VWC2L: variants seen among roughly 807,000 people sequenced by gnomAD.
The protein encoded by VWC2L is von Willebrand factor C domain-containing protein 2-like.
VWC2L carries 10 observed loss-of-function variants against 21.6 expected under a neutral mutation model. That is an observed-to-expected ratio of 0.46 (90% CI 0.29 to 0.78). VWC2L has a LOEUF of 0.78. Among genes scored for constraint, VWC2L ranks in the 30% least tolerant of loss-of-function variants. The pLI is 0.10. For missense variants in VWC2L, 209 were observed against 277.1 expected (o/e 0.75, Z 1.74); for synonymous variants, 96 against 94.3 (o/e 1.02, Z -0.10).
chr2:214,498,317 G>A lies in VWC2L; in HGVS notation c.520+61559G>A, dbSNP rs937122470. 2.6e-5 allele frequency among the ~76,000 whole-genome samples: 4 copies of A among 152,182 alleles called. No homozygotes were observed. The East Asian group carries it at 5.8e-4, about 22-fold the overall frequency. On this transcript the variant is annotated intron_variant, in intron 3 of 3. Coordinates refer to ENST00000312504, the MANE Select transcript of VWC2L (RefSeq NM_001080500.4). ...TTGATAGATCCTTGGCATCTCTGCC[G>A]CTATGCACCATCCAGAGGGGAAAGA...
At chr2:214,508,177 C>T (rs1688997004) in intron 3 of VWC2L, among the ~76,000 whole-genome samples, 1 of 152,088 alleles carries the variant, frequency 6.6e-6, no homozygotes, top group Non-Finnish European at 1.5e-5. Context: ...GGGGTTTTAC[C>T]GTGTTAGCCA....
chr2:214,413,287 T>C (rs1327008412), intron 1 of VWC2L, among the ~76,000 whole-genome samples: 3 of 152,068 alleles, frequency 2.0e-5, no homozygotes, highest in Non-Finnish European at 4.4e-5. Context: ...ATTACATATA[T>C]ACTAGATTCA....
intron 3 of VWC2L, among the ~76,000 whole-genome samples, chr2:214,559,548 G>C (rs920854915): frequency 1.3e-5 from 2 of 151,714 alleles, no homozygotes; most frequent in African/African-American, 4.8e-5. Context: ...TTCTACACTA[G>C]ATTAAATCCC....
intron 3 of VWC2L, among the ~76,000 whole-genome samples, chr2:214,452,312 G>A (rs957347622): frequency 9.2e-5 from 14 of 152,072 alleles, no homozygotes; most frequent in African/African-American, 2.9e-4. Context: ...ACACCACCAC[G>A]CTTGGCTAAT....
At chr2:214,445,169 A>G (rs1483003379) in intron 3 of VWC2L, among the ~76,000 whole-genome samples, 1 of 152,002 alleles carries the variant, frequency 6.6e-6, no homozygotes, top group Non-Finnish European at 1.5e-5. Flanking sequence ...GTAAGAGTGT[A>G]AATGATATAT....
At position 214,575,676 on chromosome 2, in the gene VWC2L, A is replaced by C; in HGVS notation, c.525A>C (p.Pro175=). The C allele has an allele frequency of 6.2e-7, 1 of 1,613,312 alleles. No individual in the cohort carries two copies. The highest frequency in any genetic ancestry group is 8.5e-7 in the Non-Finnish European group (1 of 1,179,382). ...CAATGTATCTGTGTGTTTCAGGTCCAAACTGCTTTGCAGGAACGACGATAA... is the reference window on the plus strand; with the variant it reads ...CAATGTATCTGTGTGTTTCAGGTCCCAACTGCTTTGCAGGAACGACGATAA... ...EQCCPVCKNG[P]NCFAGTTIIP... is the part of the protein sequence containing the mutation. Residue 175 remains proline, a synonymous_variant, in exon 4 of 4, where the codon CCA becomes CCC. Coordinates refer to ENST00000312504, the MANE Select transcript of VWC2L (RefSeq NM_001080500.4).
At chr2:214,430,536 A>AT (rs977900038) in intron 2 of VWC2L, among the ~76,000 whole-genome samples, 5 of 151,762 alleles carry the variant, frequency 3.3e-5, no homozygotes, top group African/African-American at 7.3e-5. Flanking sequence ...AATATGCTGA[A>AT]TTTTTTTTTA....
chr2:214,531,573 C>T (rs1308421926), intron 3 of VWC2L, among the ~76,000 whole-genome samples: 1 of 152,002 alleles, frequency 6.6e-6, no homozygotes, highest in Non-Finnish European at 1.5e-5. Flanking sequence ...AGGGTAAGCT[C>T]TTCAGTCGGC....
At chr2:214,431,202 G>T (rs1702597408) in intron 2 of VWC2L, among the ~76,000 whole-genome samples, 1 of 152,130 alleles carries the variant, frequency 6.6e-6, no homozygotes, top group East Asian at 1.9e-4. Context: ...TGAGATTCCT[G>T]ACAGGCATCA....
intron 3 of VWC2L, among the ~76,000 whole-genome samples, chr2:214,567,595 C>CACACAG (rs1553602423): frequency 7.0e-4 from 95 of 135,374 alleles, no homozygotes; most frequent in African/African-American, 2.9e-3. Flanking sequence ...CACACACACA[C>CACACAG]AGAGAGAGAG....
chr2:214,423,786 TATTAC>T (rs1387683690), intron 2 of VWC2L, among the ~76,000 whole-genome samples: 1 of 152,120 alleles, frequency 6.6e-6, no homozygotes, highest in Admixed American at 6.5e-5. Flanking sequence ...AATTAAAATA[TATTAC>T]ATTAAACATT....
intron 3 of VWC2L, among the ~76,000 whole-genome samples, chr2:214,505,582 G>C (rs192176880): frequency 6.6e-6 from 1 of 152,056 alleles, no homozygotes; most frequent in South Asian, 2.1e-4. Flanking sequence ...ACAAAGCACA[G>C]TGTTTTCAAA....
At chr2:214,490,845 T>TG (rs1688736359) in intron 3 of VWC2L, among the ~76,000 whole-genome samples, 1 of 152,210 alleles carries the variant, frequency 6.6e-6, no homozygotes, top group Non-Finnish European at 1.5e-5. Context: ...TTGGTGTCAA[T>TG]GTGACTAGGC....
intron 2 of VWC2L, among the ~76,000 whole-genome samples, chr2:214,419,067 G>A (rs991106394): frequency 6.6e-6 from 1 of 152,166 alleles, no homozygotes; most frequent in Non-Finnish European, 1.5e-5. Flanking sequence ...TCACCTGATA[G>A]GAAAACTGAT....
intron 3 of VWC2L, among the ~76,000 whole-genome samples, chr2:214,504,500 C>T (rs1485327004): frequency 6.6e-6 from 1 of 152,214 alleles, no homozygotes; most frequent in Non-Finnish European, 1.5e-5. Context: ...CAAAAATCAG[C>T]TTCCAGCGAA....
At chr2:214,519,392 T>C (rs1299478826) in intron 3 of VWC2L, among the ~76,000 whole-genome samples, 1 of 152,190 alleles carries the variant, frequency 6.6e-6, no homozygotes, top group Admixed American at 6.5e-5. Flanking sequence ...AGTCCACTTA[T>C]GCAAATAGAT....
intron 3 of VWC2L, among the ~76,000 whole-genome samples, chr2:214,437,335 GT>G (rs1366746127): frequency 6.6e-6 from 1 of 152,104 alleles, no homozygotes; most frequent in Non-Finnish European, 1.5e-5. Context: ...AGAGCAACTT[GT>G]TTTATTTACG....
intron 2 of VWC2L, among the ~76,000 whole-genome samples, chr2:214,430,103 C>T (rs959359531): frequency 1.3e-5 from 2 of 151,306 alleles, no homozygotes; most frequent in Non-Finnish European, 2.9e-5. Flanking sequence ...GGATTACAAG[C>T]GTGAGCCACC....
intron 3 of VWC2L, among the ~76,000 whole-genome samples, chr2:214,505,919 T>C (rs1215832161): frequency 6.6e-6 from 1 of 152,098 alleles, no homozygotes. Context: ...AATTTCTTAG[T>C]AATGGTGGGG....
Sources: gnomAD v4.1 joint callset for allele counts (sites outside exome capture counted in the v4.1 genomes callset) on GRCh38, gnomAD v4.1.1 for gene constraint, MANE v1.5 for transcripts, NCBI Gene and HGNC (gene_info 2026-07-23, HGNC 2026-07-21) for gene names.